Variants in PNPT1 observed in about 807,000 individuals in gnomAD.
PNPT1 encodes the protein polyribonucleotide nucleotidyltransferase 1, mitochondrial.
In PNPT1, 53 loss-of-function variants were observed where a neutral mutation model predicts 119.5. The ratio of observed to expected loss-of-function variants is 0.44; its 90% confidence interval spans 0.36 to 0.56. The LOEUF is 0.56. Among genes scored for constraint, PNPT1 ranks in the 20% least tolerant of loss-of-function variants. The pLI, the probability that PNPT1 is intolerant of heterozygous loss-of-function variation, is 0.00. For synonymous variants in PNPT1, 357 were observed against 322.1 expected, an observed-to-expected ratio of 1.11 and a Z score of -1.16; for missense variants, 948 against 938.5, an observed-to-expected ratio of 1.01 and a Z score of -0.13.
chr2:55,687,968 A>T (rs1262762129), intron 1 of PNPT1, among the ~76,000 whole-genome samples: 1 of 152,080 alleles, frequency 6.6e-6, no homozygotes, highest in Admixed American at 6.6e-5. Flanking sequence ...CTGCTTCCCT[A>T]AATGTTAATT....
At chr2:55,637,461 A>C in intron 27 of PNPT1, 91 bp downstream of exon 27, 1 of 1,187,244 alleles carries the variant, frequency 8.4e-7, no homozygotes, top group Middle Eastern at 2.0e-4. Flanking sequence ...AACTTCATAG[A>C]TGGTGACTCT....
intron 14 of PNPT1, among the ~76,000 whole-genome samples, chr2:55,660,677 T>G (rs1426650972): frequency 1.3e-5 from 2 of 152,204 alleles, no homozygotes; most frequent in Non-Finnish European, 2.9e-5. Flanking sequence ...AATCACAGAT[T>G]TGGTGAGCCA....
intron 7 of PNPT1, 59 bp downstream of exon 7, chr2:55,680,653 T>C: frequency 6.8e-7 from 1 of 1,481,468 alleles, no homozygotes; most frequent in Non-Finnish European, 9.3e-7. Flanking sequence ...ACATGGTCAC[T>C]ACTACTTACT....
chr2:55,683,278 T>C (rs1320221907), intron 5 of PNPT1, among the ~76,000 whole-genome samples: 1 of 152,150 alleles, frequency 6.6e-6, no homozygotes, highest in Admixed American at 6.5e-5. Context: ...GAAATTCAGG[T>C]GTCAACTCAA....
chr2:55,637,173 A>G (rs1404545064), intron 27 of PNPT1, among the ~76,000 whole-genome samples: 1 of 152,252 alleles, frequency 6.6e-6, no homozygotes, highest in African/African-American at 2.4e-5. Context: ...ACCAAGCTCA[A>G]AAACTTTAAG....
intron 18 of PNPT1, among the ~76,000 whole-genome samples, chr2:55,651,110 C>G (rs1572803736): frequency 7.1e-6 from 1 of 140,728 alleles, no homozygotes; most frequent in South Asian, 2.3e-4. Context: ...CCGCCCCGTC[C>G]GGGAGGTGAG....
chr2:55,681,052 C>T (rs1046897248), intron 5 of PNPT1, 134 bp from the exon 6 acceptor site: 32 of 691,702 alleles, frequency 4.6e-5, no homozygotes, highest in Non-Finnish European at 6.0e-5. Context: ...TGTCATTAAA[C>T]GAAATGCTTG....
chr2:55,654,966 A>T lies in PNPT1; in HGVS notation c.1442-13T>A, dbSNP rs1696337844. On this transcript the variant is annotated splice_polypyrimidine_tract_variant and intron_variant, in intron 17 of 27. Coordinates refer to ENST00000447944, the MANE Select transcript of PNPT1 (RefSeq NM_033109.5). ...ATAGAAGATGACCCTATAGAAAGAAAAATAACTGCTTTATATTAAACTGAT... is the reference window on the plus strand; with the variant it reads ...ATAGAAGATGACCCTATAGAAAGAATAATAACTGCTTTATATTAAACTGAT... 6.2e-7 allele frequency: 1 copy of T among 1,609,304 alleles called. No individual in the cohort carries two copies. Among genetic ancestry groups the T allele is most frequent in the East Asian group, 2.2e-5 (1 of 44,826 alleles).
At position 55,683,503 on chromosome 2, in the gene PNPT1, C is replaced by T. The variant is rs532323104; in HGVS notation, c.453+282G>A. Among the ~76,000 whole-genome samples the T allele has an allele frequency of 3.3e-5, 5 of 151,494 alleles. No individual in the cohort carries two copies. In the South Asian group the frequency reaches 6.3e-4, roughly 19 times the overall value. On this transcript the variant is annotated intron_variant, in intron 5 of 27. Transcript: ENST00000447944. ...TGGTGCGTGCCTGTAATCCCAGCTA[C>T]TCAGGAGGCTGAGGCAGGAGAATCA...
At chr2:55,678,672 T>C (rs766610633) in intron 8 of PNPT1, among the ~76,000 whole-genome samples, 15 of 152,244 alleles carry the variant, frequency 9.9e-5, no homozygotes, top group Admixed American at 3.9e-4. Context: ...TAAGATGTCA[T>C]GTAACCACTA....
intron 13 of PNPT1, among the ~76,000 whole-genome samples, chr2:55,662,698 A>ATT (rs1041190891): frequency 1.3e-5 from 2 of 152,038 alleles, no homozygotes; most frequent in Non-Finnish European, 2.9e-5. Context: ...AGAAAAATAA[A>ATT]TTAAGAAAAT....
chr2:55,643,202 T>C lies in PNPT1; in HGVS notation c.2025A>G (p.Gln675=), dbSNP rs1695887172. 1 of 1,614,066 alleles carries C rather than the reference T, an allele frequency of 6.2e-7. No individual in the cohort carries two copies. Among genetic ancestry groups the C allele is most frequent in the African/African-American group, 1.3e-5 (1 of 74,920 alleles). ...TEICKDDQEQ[Q]LEFGAVYTAT... ...CGGTATATACTGCTCCAAATTCTAATTGCTGCTCCTGCTGTAAGTGCAAAA... is the reference window on the plus strand; with the variant it reads ...CGGTATATACTGCTCCAAATTCTAACTGCTGCTCCTGCTGTAAGTGCAAAA... The change falls in exon 25 of 28, where the codon CAA becomes CAG. Residue 675 remains glutamine (Q), a synonymous_variant. Transcript: ENST00000447944.
rs1425965961 is a variant in PNPT1, at chr2:55,656,289, A to G, written c.1351+16T>C. 6.2e-7 allele frequency: 1 copy of G among 1,610,796 alleles called. No homozygotes were observed. Among genetic ancestry groups the G allele is most frequent in the African/African-American group, 1.3e-5 (1 of 74,754 alleles). ...TCTGTAAGAATACCGTATTAAGTTT[A>G]CAGACCTGTACTTACCATGCCCAAG... On this transcript the variant is annotated intron_variant, in intron 16 of 27. Coordinates refer to ENST00000447944, the MANE Select transcript of PNPT1 (RefSeq NM_033109.5).
intron 8 of PNPT1, among the ~76,000 whole-genome samples, chr2:55,679,253 C>T (rs1697174612): frequency 6.6e-6 from 1 of 152,038 alleles, no homozygotes; most frequent in African/African-American, 2.4e-5. Context: ...AAGAGGATAC[C>T]AAGCAGACTT....
Position 55,672,911 on chromosome 2 carries a change from A to G in PNPT1, c.848T>C (p.Ile283Thr). 6.2e-7 allele frequency: 1 copy of G among 1,601,534 alleles called. No homozygotes were observed. The highest frequency in any genetic ancestry group is 8.5e-7 in the Non-Finnish European group (1 of 1,176,534). The change falls in exon 9 of 28, where the codon ATT (isoleucine) becomes ACT (threonine). Residue 283 changes from isoleucine to threonine, a missense_variant. Ile to Thr is a moderately conservative substitution (Grantham distance 89). Transcript: ENST00000447944. Reference sequence around the variant, plus strand: ...TTCTTACTTATGAGTATATTTCACAATCTCTGGCGAAGGGGTAAATAACTT... The same window carrying G: ...TTCTTACTTATGAGTATATTTCACAGTCTCTGGCGAAGGGGTAAATAACTT... ...PQKLFTPSPE[I>T]VKYTHKLAME...
chr2:55,692,524 A>T (rs1010803067), intron 1 of PNPT1, among the ~76,000 whole-genome samples: 4 of 152,026 alleles, frequency 2.6e-5, no homozygotes, highest in Non-Finnish European at 4.4e-5. Context: ...CTTTTTTTTT[A>T]AAAAGCGGTC....
chr2:55,690,339 C>T (rs1289615173), intron 1 of PNPT1, among the ~76,000 whole-genome samples: 14 of 29,382 alleles, frequency 4.8e-4, no homozygotes, highest in Non-Finnish European at 9.7e-4. Context: ...TCAGTGACCC[C>T]TGAAGATACA....
chr2:55,653,259 C>T (rs983161365), intron 18 of PNPT1, among the ~76,000 whole-genome samples: 28 of 152,186 alleles, frequency 1.8e-4, no homozygotes, highest in South Asian at 4.1e-4. Context: ...TACTTTTCTT[C>T]TCTTCCAATA....
intron 11 of PNPT1, among the ~76,000 whole-genome samples, chr2:55,669,515 T>A (rs1385855375): frequency 1.3e-5 from 2 of 152,222 alleles, no homozygotes; most frequent in Non-Finnish European, 2.9e-5. Context: ...TCTTTTCTGC[T>A]TAACTGAGTT....
Sources: gnomAD v4.1 joint callset for allele counts (sites outside exome capture counted in the v4.1 genomes callset) on GRCh38, gnomAD v4.1.1 for gene constraint, MANE v1.5 for transcripts, NCBI Gene and HGNC (gene_info 2026-07-23, HGNC 2026-07-21) for gene names.